The following DPYD variants were observed in gnomAD, a reference collection of about 807,000 sequenced individuals.
DPYD encodes dihydropyrimidine dehydrogenase [NADP(+)].
In DPYD, 109 loss-of-function variants were observed where a neutral mutation model predicts 116.2. The observed-to-expected ratio is 0.94, with a 90% CI of 0.80 to 1.10. The LOEUF (loss-of-function observed/expected upper bound fraction) is 1.10, where lower values mean the gene tolerates loss of function less well. Among genes scored for constraint, DPYD ranks in the 50% least tolerant of loss-of-function variants. The pLI, the probability that DPYD is intolerant of heterozygous loss-of-function variation, is 0.00. For missense variants in DPYD, 1,302 were observed against 1,254.5 expected (o/e 1.04, Z -0.57); for synonymous variants, 440 against 432.0 (o/e 1.02, Z -0.23).
intron 14 of DPYD, among the ~76,000 whole-genome samples, chr1:97,423,600 G>A (rs939899997): frequency 2.0e-5 from 3 of 152,018 alleles, no homozygotes; most frequent in African/African-American, 7.3e-5. Flanking sequence ...GAAGAATTTG[G>A]GGCATTGAGA....
chr1:97,117,260 TTGAC>T (rs1456556762), intron 20 of DPYD, among the ~76,000 whole-genome samples: 5 of 152,210 alleles, frequency 3.3e-5, no homozygotes, highest in African/African-American at 9.6e-5. Context: ...TATTGATTGA[TTGAC>T]TGAATGCCTT....
intron 1 of DPYD, among the ~76,000 whole-genome samples, chr1:97,905,169 G>A (rs149659517): frequency 6.6e-6 from 1 of 152,110 alleles, no homozygotes; most frequent in East Asian, 1.9e-4. Context: ...ACACTGTAGT[G>A]CAAATTATAA....
chr1:97,544,688 A>G (rs537440666), intron 12 of DPYD, among the ~76,000 whole-genome samples: 2 of 150,784 alleles, frequency 1.3e-5, no homozygotes, highest in African/African-American at 4.9e-5. Flanking sequence ...AAAAAAAAAC[A>G]TTAAGATTCC....
At chr1:97,890,921 G>C (rs909091443) in intron 1 of DPYD, among the ~76,000 whole-genome samples, 4 of 152,030 alleles carry the variant, frequency 2.6e-5, no homozygotes, top group African/African-American at 9.6e-5. Flanking sequence ...CATAGCATAA[G>C]TAGAAAGCAT....
intron 18 of DPYD, among the ~76,000 whole-genome samples, chr1:97,258,912 G>T (rs1197308877): frequency 6.6e-6 from 1 of 152,138 alleles, no homozygotes; most frequent in Non-Finnish European, 1.5e-5. Flanking sequence ...TGACATAAAA[G>T]ATTTCATTCA....
chr1:97,604,970 A>G (rs1456013441), intron 8 of DPYD, among the ~76,000 whole-genome samples: 1 of 152,074 alleles, frequency 6.6e-6, no homozygotes, highest in Non-Finnish European at 1.5e-5. Flanking sequence ...ACATTCTCCT[A>G]GGATCCTGTG....
At chr1:97,372,742 G>C (rs897662780) in intron 16 of DPYD, among the ~76,000 whole-genome samples, 1 of 149,650 alleles carries the variant, frequency 6.7e-6, no homozygotes, top group African/African-American at 2.5e-5. Context: ...GATGACTTGA[G>C]AGAAAAAAAA....
At chr1:97,844,308 T>C (rs1670183397) in intron 2 of DPYD, among the ~76,000 whole-genome samples, 1 of 152,192 alleles carries the variant, frequency 6.6e-6, no homozygotes, top group Non-Finnish European at 1.5e-5. Context: ...TGTCTTTTTG[T>C]ATGCTGATGA....
At chr1:97,832,861 A>G (rs1310375742) in intron 2 of DPYD, among the ~76,000 whole-genome samples, 1 of 152,170 alleles carries the variant, frequency 6.6e-6, no homozygotes, top group Non-Finnish European at 1.5e-5. Flanking sequence ...AGAAAATAAT[A>G]TACAAGGAGA....
At chr1:97,341,877 T>C (rs1669603307) in intron 16 of DPYD, among the ~76,000 whole-genome samples, 1 of 152,098 alleles carries the variant, frequency 6.6e-6, no homozygotes, top group South Asian at 2.1e-4. Context: ...TAGCTTGAAA[T>C]TGGCTATAGT....
chr1:97,257,250 T>C (rs1167308711), intron 18 of DPYD, among the ~76,000 whole-genome samples: 2 of 151,938 alleles, frequency 1.3e-5, no homozygotes, highest in Non-Finnish European at 2.9e-5. Context: ...CTCACCTATT[T>C]ATAAAATCTC....
intron 13 of DPYD, among the ~76,000 whole-genome samples, chr1:97,494,045 GT>G (rs1679118469): frequency 6.6e-6 from 1 of 152,186 alleles, no homozygotes; most frequent in South Asian, 2.1e-4. Flanking sequence ...ATCTACCACA[GT>G]GAGTTGCTAG....
intron 19 of DPYD, among the ~76,000 whole-genome samples, chr1:97,201,518 C>T (rs1659198962): frequency 6.6e-6 from 1 of 152,034 alleles, no homozygotes; most frequent in Non-Finnish European, 1.5e-5. Flanking sequence ...ATAAACATGG[C>T]ATTGCTTACT....
At chr1:97,338,188 A>C (rs1297735707) in intron 16 of DPYD, among the ~76,000 whole-genome samples, 1 of 152,208 alleles carries the variant, frequency 6.6e-6, no homozygotes, top group Non-Finnish European at 1.5e-5. Flanking sequence ...TAGATTCATT[A>C]GAGATAATCT....
chr1:97,843,707 T>C (rs1233522474), intron 2 of DPYD, among the ~76,000 whole-genome samples: 3 of 152,166 alleles, frequency 2.0e-5, no homozygotes, highest in South Asian at 2.1e-4. Flanking sequence ...TCCATAATTA[T>C]TTTCATATGT....
At chr1:97,668,397 C>T (rs1659678367) in intron 8 of DPYD, among the ~76,000 whole-genome samples, 1 of 151,944 alleles carries the variant, frequency 6.6e-6, no homozygotes, top group Non-Finnish European at 1.5e-5. Flanking sequence ...AATACCAATC[C>T]AAAATTACTT....
chr1:97,837,495 A>C (rs1463800806), intron 2 of DPYD, among the ~76,000 whole-genome samples: 2 of 152,158 alleles, frequency 1.3e-5, no homozygotes, highest in African/African-American at 4.8e-5. Flanking sequence ...CTTGGACTCC[A>C]TCTCTGATTG....
intron 18 of DPYD, among the ~76,000 whole-genome samples, chr1:97,271,670 G>A (rs1339047508): frequency 6.6e-6 from 1 of 152,122 alleles, no homozygotes; most frequent in African/African-American, 2.4e-5. Context: ...GAAATTACTA[G>A]GGCATAAATA....
chr1:97,131,327 T>C (rs1653322653), intron 20 of DPYD, among the ~76,000 whole-genome samples: 1 of 152,152 alleles, frequency 6.6e-6, no homozygotes, highest in Non-Finnish European at 1.5e-5. Flanking sequence ...GTGGTATTTT[T>C]CCCTGCTATA....
Sources: gnomAD v4.1 joint callset for allele counts (sites outside exome capture counted in the v4.1 genomes callset) on GRCh38, gnomAD v4.1.1 for gene constraint, MANE v1.5 for transcripts, NCBI Gene and HGNC (gene_info 2026-07-23, HGNC 2026-07-21) for gene names.